Variants in KNDC1 observed in about 807,000 individuals in gnomAD.
The protein encoded by KNDC1 is kinase non-catalytic C-lobe domain containing 1, also known as kinase non-catalytic C-lobe domain-containing protein 1.
A neutral mutation model predicts 172.8 loss-of-function variants in KNDC1; 106 were observed. That is an observed-to-expected ratio of 0.61 (90% confidence interval 0.52 to 0.72). The LOEUF (loss-of-function observed/expected upper bound fraction) is 0.72, where lower values mean the gene tolerates loss of function less well. Ranked by LOEUF, KNDC1 falls within the 30% of genes least tolerant of loss-of-function variation. The pLI, the probability that KNDC1 is intolerant of heterozygous loss-of-function variation, is 0.00. For missense variants in KNDC1, 2,325 were observed against 2,394.5 expected (o/e 0.97, Z 0.61); for synonymous variants, 1,083 against 1,062.2 (o/e 1.02, Z -0.38).
At position 133,222,079 on chromosome 10, in the gene KNDC1, C is replaced by T. The variant is rs545832832; in HGVS notation, c.5018+1967C>T. 4.0e-4 allele frequency among the ~76,000 whole-genome samples: 60 copies of T among 150,000 alleles called. 8 individuals carry two copies. The South Asian group carries it at 0.012, about 30-fold the overall frequency. ...GGCGGATCACTTGAGGTCAGGAGTT[C>T]AAGACCAGCCTGGCCAACATGGTGA... On this transcript the variant is annotated intron_variant, in intron 29 of 29. Transcript: ENST00000304613.
chr10:133,203,588 C>A (rs531453483), intron 17 of KNDC1, among the ~76,000 whole-genome samples: 4 of 152,240 alleles, frequency 2.6e-5, no homozygotes, highest in Non-Finnish European at 5.9e-5. Context: ...TGGTGCCGGC[C>A]GTGTGTGCTG....
rs1469361742 is a variant in KNDC1 at position 133,198,326 on chromosome 10, T to C, written c.1907-11T>C. 6.4e-6 allele frequency: 10 copies of C among 1,558,522 alleles called. No individual in the cohort carries two copies. The highest frequency in any genetic ancestry group is 8.7e-6 in the Non-Finnish European group (10 of 1,153,046). On this transcript the variant is annotated splice_polypyrimidine_tract_variant and intron_variant, in intron 12 of 29. Transcript: ENST00000304613. Reference sequence around the variant, plus strand: ...CCGCCCGCCCACACCCTCAGCCCCCTGGCTCCCCAGGCTTCCTGCCGGTGA... The same window carrying C: ...CCGCCCGCCCACACCCTCAGCCCCCCGGCTCCCCAGGCTTCCTGCCGGTGA...
intron 9 of KNDC1, among the ~76,000 whole-genome samples, chr10:133,194,560 G>A (rs958871641): frequency 1.8e-4 from 27 of 152,280 alleles, no homozygotes; most frequent in Non-Finnish European, 1.5e-4. Flanking sequence ...AGTGTAACAA[G>A]TGCTCAAAAT....
Position 133,167,570 on chromosome 10 carries a change from C to A in KNDC1, c.292C>A (p.Gln98Lys). 1 of 1,591,584 alleles carries A rather than the reference C, an allele frequency of 6.3e-7. No individual in the cohort carries two copies. Among genetic ancestry groups the A allele is most frequent in the Admixed American group, 1.7e-5 (1 of 57,188 alleles). Residue 98 changes from glutamine (Q) to lysine (K), a missense_variant, in exon 2 of 30, where the codon CAG becomes AAG. By Grantham distance (53) the Gln-to-Lys change is moderately conservative. Transcript: ENST00000304613. ...CAGCGGGAACGTGTGTTTCATGGAG[C>A]AGCTCAGCGGTGAGGCGGCGGTGGC... Reference protein sequence around the residue: ...NTSGNVCFMEQLSDDPEGAFV... With the variant: ...NTSGNVCFMEKLSDDPEGAFV...
rs1026425465 is a variant in KNDC1 at position 133,224,414 on chromosome 10, A to G, written c.5019-245A>G. On this transcript the variant is annotated intron_variant, in intron 29 of 29. Coordinates refer to ENST00000304613, the MANE Select transcript of KNDC1 (RefSeq NM_152643.8). The surrounding 1 kb of genome is among the most constrained non-coding windows in gnomAD (Gnocchi z 5.4). ...GGGACGCTCAGCAGGGACGAGCCTGAGCCTGCAGGGTTTCCATAAGCGTGT... is the reference window on the plus strand; with the variant it reads ...GGGACGCTCAGCAGGGACGAGCCTGGGCCTGCAGGGTTTCCATAAGCGTGT... Among the ~76,000 whole-genome samples the G allele has an allele frequency of 2.6e-5, 4 of 152,102 alleles. No individual in the cohort carries two copies. The highest frequency in any genetic ancestry group is 5.9e-5 in the Non-Finnish European group (4 of 68,030).
At chr10:133,161,138 C>T (rs1852955646) in intron 1 of KNDC1, among the ~76,000 whole-genome samples, 1 of 152,204 alleles carries the variant, frequency 6.6e-6, no homozygotes, top group Admixed American at 6.5e-5. Context: ...TGCTCATGGA[C>T]CGCCCACCCT....
chr10:133,216,023 C>A (rs1261558719), intron 26 of KNDC1, among the ~76,000 whole-genome samples: 2 of 152,276 alleles, frequency 1.3e-5, no homozygotes, highest in Non-Finnish European at 2.9e-5. Context: ...AGTGTTAGAG[C>A]CACGATGTCC....
chr10:133,160,601 C>A, intron 1 of KNDC1, 32 bp downstream of exon 1: 1 of 1,494,484 alleles, frequency 6.7e-7, no homozygotes, highest in Non-Finnish European at 9.1e-7. Flanking sequence ...GGGGCCCCTT[C>A]CGCCGCCGAG....
At chr10:133,175,595 A>C (rs1204843062) in intron 3 of KNDC1, among the ~76,000 whole-genome samples, 3 of 141,192 alleles carry the variant, frequency 2.1e-5, no homozygotes, top group Non-Finnish European at 4.6e-5. Context: ...AGATGGATGG[A>C]TGGATGGATG....
At chr10:133,166,920 C>T (rs886926805) in intron 1 of KNDC1, among the ~76,000 whole-genome samples, 6 of 152,266 alleles carry the variant, frequency 3.9e-5, no homozygotes, top group South Asian at 2.1e-4. Context: ...ATGTTGGCAG[C>T]GCGTGTGGTT....
chr10:133,161,258 C>T (rs1852959946), intron 1 of KNDC1, among the ~76,000 whole-genome samples: 1 of 152,110 alleles, frequency 6.6e-6, no homozygotes, highest in African/African-American at 2.4e-5. Context: ...GAGAGGTGGC[C>T]CCCAGGGGAT....
Position 133,211,504 on chromosome 10 carries a change from T to C in KNDC1, c.3991T>C (p.Tyr1331His). ...CCTGCAGGCCTGGGTGGAGGACTGC[T>C]ACGCTGTGGACTTCCCTCGGAACAG... The part of the protein sequence containing the change: ...CVLQAWVEDC[Y>H]AVDFPRNSGL... The change falls in exon 22 of 30, where the codon TAC becomes CAC. Residue 1331 changes from tyrosine to histidine, a missense_variant. Tyr to His is a moderately conservative substitution (Grantham distance 83). Transcript: ENST00000304613. 7 of 1,613,998 alleles carry C rather than the reference T, an allele frequency of 4.3e-6. No homozygotes were observed. Among genetic ancestry groups the C allele is most frequent in the Non-Finnish European group, 5.9e-6 (7 of 1,179,900 alleles).
intron 1 of KNDC1, among the ~76,000 whole-genome samples, chr10:133,166,506 T>C (rs1178409034): frequency 6.6e-6 from 1 of 152,048 alleles, no homozygotes; most frequent in Non-Finnish European, 1.5e-5. Flanking sequence ...TGCGGTGGCA[T>C]GTAGTATGTG....
intron 3 of KNDC1, among the ~76,000 whole-genome samples, chr10:133,180,040 G>A (rs912641644): frequency 1.3e-5 from 2 of 152,210 alleles, no homozygotes; most frequent in African/African-American, 2.4e-5. Flanking sequence ...TGGGGCCTCC[G>A]AGGTCCTTGT....
At position 133,206,966 on chromosome 10, in the gene KNDC1, C is replaced by T. The variant is rs148391212; in HGVS notation, c.3579+13C>T. The T allele has an allele frequency of 3.7e-4, 599 of 1,611,354 alleles. 3 individuals are homozygous for T. The African/African-American group carries it at 4.6e-3, about 12-fold the overall frequency. On this transcript the variant is annotated intron_variant, in intron 19 of 29. Coordinates refer to ENST00000304613, the MANE Select transcript of KNDC1 (RefSeq NM_152643.8). ...GAAGTATCTGCAGGCAAGTGGGCTC[C>T]GGGCCCCGCTCTGCCCCGTGAGGCA...
At chr10:133,174,585 G>A (rs1853471937) in intron 3 of KNDC1, among the ~76,000 whole-genome samples, 1 of 152,218 alleles carries the variant, frequency 6.6e-6, no homozygotes, top group Non-Finnish European at 1.5e-5. Flanking sequence ...GATGAATGAA[G>A]GGATGGATGA....
Position 133,198,433 on chromosome 10 carries a change from C to T in KNDC1, c.2003C>T (p.Ala668Val). 6.2e-7 allele frequency: 1 copy of T among 1,602,792 alleles called. No individual in the cohort carries two copies. The highest frequency in any genetic ancestry group is 8.5e-7 in the Non-Finnish European group (1 of 1,175,282). The change falls in exon 13 of 30, where the codon GCA becomes GTA. Residue 668 changes from alanine to valine, a missense_variant. Ala to Val is a moderately conservative substitution (Grantham distance 64). Coordinates refer to ENST00000304613, the MANE Select transcript of KNDC1 (RefSeq NM_152643.8). ...GGTGAAGAAGCCACCCAGCTGCCTG[C>T]AGCGTTCACCTCCGAGGCCACGCAC... is the stretch of plus-strand genomic sequence containing the variant. ...PCGEEATQLP[A>V]AFTSEATHFK...
chr10:133,212,674 G>T, intron 23 of KNDC1, 42 bp from the exon 24 acceptor site: 1 of 1,570,814 alleles, frequency 6.4e-7, no homozygotes. Flanking sequence ...ACCCAGAGGG[G>T]ACACGGAGCT....
Position 133,209,389 on chromosome 10 carries a change from T to G in KNDC1, c.3795-1222T>G, listed in dbSNP as rs993907560. Among the ~76,000 whole-genome samples, 64 of 151,064 alleles carry G rather than the reference T, an allele frequency of 4.2e-4. No individual in the cohort carries two copies. Among genetic ancestry groups the G allele is most frequent in the African/African-American group, 1.5e-3 (61 of 40,998 alleles). On this transcript the variant is annotated intron_variant, in intron 20 of 29. Transcript: ENST00000304613. The surrounding 1 kb of genome is among the most constrained non-coding windows in gnomAD (Gnocchi z 4.9). ...GTGGTGTGAGGTATAGTGTGGCATG[T>G]GTGCACATGTGTGATCTGTGGTGTG... is the stretch of plus-strand genomic sequence containing the variant.
Sources: gnomAD v4.1 joint callset for allele counts (sites outside exome capture counted in the v4.1 genomes callset) on GRCh38, gnomAD v4.1.1 for gene constraint, Gnocchi (gnomAD v3.1) non-coding constraint, MANE v1.5 for transcripts, NCBI Gene and HGNC (gene_info 2026-07-23, HGNC 2026-07-21) for gene names.